The following EEF1A2 variants were observed in gnomAD, a reference collection of about 807,000 sequenced individuals.
EEF1A2 encodes the protein elongation factor 1-alpha 2.
In EEF1A2, 5 loss-of-function variants were observed where a neutral mutation model predicts 39.3. The ratio of observed to expected loss-of-function variants is 0.13; its 90% CI spans 0.07 to 0.27. EEF1A2 has a LOEUF of 0.27. Ranked by LOEUF, EEF1A2 falls within the 10% of genes least tolerant of loss-of-function variation. EEF1A2 has a pLI of 1.00. For synonymous variants in EEF1A2, 287 were observed against 293.7 expected, an observed-to-expected ratio of 0.98 and a Z score of 0.23; for missense variants, 218 against 681.4, an observed-to-expected ratio of 0.32 and a Z score of 7.57.
intron 6 of EEF1A2, 93 bp downstream of exon 6, chr20:63,490,386 A>G (rs2082372941): frequency 6.7e-7 from 1 of 1,487,792 alleles, no homozygotes; most frequent in Admixed American, 2.0e-5. Flanking sequence ...TTTTCTCCCC[A>G]CGCCAGGCCA....
intron 2 of EEF1A2, chr20:63,496,243 T>C: frequency 3.3e-6 from 2 of 604,210 alleles, no homozygotes; most frequent in Non-Finnish European, 5.8e-6. Flanking sequence ...CCTCCGCACC[T>C]GCTCCGAAAT....
chr20:63,494,985 C>A lies in EEF1A2; in HGVS notation c.441G>T (p.Gln147His). 1 of 1,612,834 alleles carries A rather than the reference C, an allele frequency of 6.2e-7. No homozygotes were observed. The change falls in exon 4 of 8, where the codon CAG becomes CAT. Residue 147 changes from glutamine to histidine, a missense_variant. This residue lies in a region of EEF1A2 where 79 missense variants were observed against 172.3 expected (regional missense o/e 0.46). Transcript: ENST00000217182. ...ALLAYTLGVK[Q>H]LIVGVNKMDS... The stretch of plus-strand genomic sequence containing the variant: ...CCATTTTGTTCACGCCCACGATGAG[C>A]TGCTTCACACCCAGCGTGTAGGCCA...
At position 63,490,475 on chromosome 20, in the gene EEF1A2, C is replaced by G. The variant is rs945481319; in HGVS notation, c.1029+4G>C. The stretch of plus-strand genomic sequence containing the variant: ...AGCCCCCTGGACCCAGCGCAGCCCC[C>G]CACCTGGGAGGTGAACTGAGCAGCC... On this transcript the variant is annotated splice_donor_region_variant and intron_variant, in intron 6 of 7. Coordinates refer to ENST00000217182, the MANE Select transcript of EEF1A2 (RefSeq NM_001958.5). 5.6e-6 allele frequency: 9 copies of G among 1,606,108 alleles called. No homozygotes were observed. In the Admixed American group the frequency reaches 1.2e-4, roughly 21 times the overall value.
At chr20:63,492,647 T>C (rs1451131027) in intron 5 of EEF1A2, among the ~76,000 whole-genome samples, 1 of 111,718 alleles carries the variant, frequency 9.0e-6, no homozygotes, top group African/African-American at 3.4e-5. Context: ...GGACAATCAA[T>C]GGATGGATGG....
rs900745409 is a variant in EEF1A2, at chr20:63,495,014, G to A, written c.412C>T (p.Leu138=). 5 of 1,612,642 alleles carry A rather than the reference G, an allele frequency of 3.1e-6. No individual in the cohort carries two copies. The highest frequency in any genetic ancestry group is 3.3e-5 in the Admixed American group (2 of 60,008). The part of the protein sequence containing the change: ...SKNGQTREHA[L]LAYTLGVKQL... ...TTCACACCCAGCGTGTAGGCCAGCA[G>A]GGCATGCTCCCGCGTCTGCCCATTC... The change falls in exon 4 of 8, where the codon CTG becomes TTG. Residue 138 remains leucine (L), a synonymous_variant. Transcript: ENST00000217182.
intron 5 of EEF1A2, 135 bp from the exon 6 acceptor site, chr20:63,490,870 T>G: frequency 6.6e-6 from 7 of 1,060,616 alleles, no homozygotes; most frequent in Non-Finnish European, 9.4e-6. Flanking sequence ...TGGGGCCACA[T>G]GGGCGGAGTG....
chr20:63,489,215 A>G, intron 6 of EEF1A2, 63 bp from the exon 7 acceptor site: 2 of 1,539,326 alleles, frequency 1.3e-6, no homozygotes, highest in South Asian at 2.3e-5. Flanking sequence ...AGGGCGCCAG[A>G]GCGGGGCTGG....
chr20:63,496,269 G>A (rs762920909), intron 2 of EEF1A2: 99 of 563,850 alleles, frequency 1.8e-4, no homozygotes, highest in Middle Eastern at 4.7e-4. Flanking sequence ...CGGCTACGCA[G>A]GTCCACCAGC....
In EEF1A2 at chr20:63,497,868, T is replaced by C. The variant is rs1167538896; in HGVS notation, c.-71-34A>G. 3.4e-6 allele frequency: 5 copies of C among 1,456,024 alleles called. No individual in the cohort carries two copies. Among genetic ancestry groups the C allele is most frequent in the African/African-American group, 1.4e-5 (1 of 70,762 alleles). The allele number at this position is 1,456,024 out of a possible 1,614,324, so 90.2% of individuals were successfully genotyped here. On this transcript the variant is annotated intron_variant, in intron 1 of 7. Transcript: ENST00000217182. This position sits in a 1 kb window ranked among gnomAD's most constrained non-coding sequence, Gnocchi z 7.3. The stretch of plus-strand genomic sequence containing the variant: ...CCAGTGGTGGTGGGGAGACCGGTGA[T>C]GGGGAGCCCCAGGGGGAGACACCAG...
chr20:63,493,516 C>A (rs1334184216), intron 4 of EEF1A2, among the ~76,000 whole-genome samples: 1 of 152,168 alleles, frequency 6.6e-6, no homozygotes, highest in Non-Finnish European at 1.5e-5. Flanking sequence ...AGGGAAAGCA[C>A]CCTTCCCAGC....
intron 5 of EEF1A2, among the ~76,000 whole-genome samples, chr20:63,492,830 A>T (rs1204744553): frequency 1.6e-4 from 7 of 44,826 alleles, no homozygotes; most frequent in African/African-American, 4.6e-4. Context: ...GGATGGGACA[A>T]TGGATGGATG....
chr20:63,492,884 C>T (rs112304562), intron 5 of EEF1A2, among the ~76,000 whole-genome samples: 1 of 33,964 alleles, frequency 2.9e-5, no homozygotes, highest in Non-Finnish European at 5.9e-5. Flanking sequence ...ATGGATGGAT[C>T]GATGGATGGA....
At chr20:63,496,205 A>C (rs1236068490) in intron 2 of EEF1A2, 170 bp from the exon 3 acceptor site, 2 of 777,676 alleles carry the variant, frequency 2.6e-6, no homozygotes, top group Admixed American at 5.7e-5. Flanking sequence ...TCGGGACCCC[A>C]CACCCAGACC....
chr20:63,494,772 C>A (rs1468223835), intron 4 of EEF1A2, 33 bp downstream of exon 4: 4 of 1,588,956 alleles, frequency 2.5e-6, no homozygotes, highest in Non-Finnish European at 2.6e-6. Flanking sequence ...CCAGCCAGCT[C>A]CCGTGGCCCG....
At chr20:63,493,827 G>T (rs2082403352) in intron 4 of EEF1A2, among the ~76,000 whole-genome samples, 1 of 152,238 alleles carries the variant, frequency 6.6e-6, no homozygotes, top group Non-Finnish European at 1.5e-5. Context: ...CAGGGAGCAG[G>T]GGAGGGGGCC....
Position 63,497,369 on chromosome 20 carries a change from C to G in EEF1A2, c.144+251G>C. On this transcript the variant is annotated intron_variant, in intron 2 of 7. Transcript: ENST00000217182. The surrounding 1 kb of genome is among the most constrained non-coding windows in gnomAD (Gnocchi z 7.3). ...TTCCAGAGCCTTCTGCAGACCCTCC[C>G]AGGTCACCTCCCTCACCACAGGGCA... 2.1e-6 allele frequency: 1 copy of G among 467,148 alleles called. No homozygotes were observed. Among genetic ancestry groups the G allele is most frequent in the Middle Eastern group, 6.0e-4 (1 of 1,662 alleles). 28.9% of individuals were successfully genotyped at this position (467,148 alleles called of 1,614,324 possible).
chr20:63,492,718 G>GTGGA (rs1183691912), intron 5 of EEF1A2, among the ~76,000 whole-genome samples: 16 of 61,890 alleles, frequency 2.6e-4, no homozygotes, highest in Admixed American at 6.2e-4. Context: ...GGATGGAGAG[G>GTGGA]TGGATGGATG....
Position 63,497,606 on chromosome 20 carries a change from C to A in EEF1A2, c.144+14G>T, listed in dbSNP as rs750131691. On this transcript the variant is annotated intron_variant, in intron 2 of 7. Transcript: ENST00000217182. This position sits in a 1 kb window ranked among gnomAD's most constrained non-coding sequence, Gnocchi z 7.3. ...CCTTCTCAGGGGGCCAAGACCATAG[C>A]CTGGGGAGCTCACCTCAGCCGCCTC... 3.1e-6 allele frequency: 5 copies of A among 1,609,502 alleles called. No individual in the cohort carries two copies. The Middle Eastern group carries it at 6.6e-4, about 213-fold the overall frequency.
intron 2 of EEF1A2, chr20:63,496,465 G>T (rs8126435): frequency 0.13 from 21,745 of 167,558 alleles, 1,919 homozygotes; most frequent in African/African-American, 0.25. Flanking sequence ...GTGTGTGTGT[G>T]TTTTTTTAAG....
Sources: allele counts gnomAD v4.1 joint callset (sites outside exome capture counted in the v4.1 genomes callset), GRCh38; gene constraint gnomAD v4.1.1; regional missense constraint gnomAD v4.1.1; non-coding constraint Gnocchi (gnomAD v3.1); transcripts MANE v1.5; gene names NCBI Gene and HGNC (gene_info 2026-07-23, HGNC 2026-07-21).